MGAT5: variants seen among roughly 807,000 people sequenced by gnomAD.
The protein encoded by MGAT5 is alpha-1,6-mannosylglycoprotein 6-beta-N-acetylglucosaminyltransferase A.
A neutral mutation model predicts 94.3 loss-of-function variants in MGAT5; 30 were observed. That is an observed-to-expected ratio of 0.32 (90% CI 0.24 to 0.43). MGAT5 has a LOEUF of 0.43. Among genes scored for constraint, MGAT5 ranks in the 20% least tolerant of loss-of-function variants. The probability of loss-of-function intolerance (pLI) is 1.00; values close to 1 mark genes in which losing one functional copy is unlikely to be tolerated. For missense variants in MGAT5, 691 were observed against 905.5 expected (o/e 0.76, Z 3.04); for synonymous variants, 310 against 322.9 (o/e 0.96, Z 0.43).
At position 134,410,639 on chromosome 2, in the gene MGAT5, C is replaced by CA. The variant is rs1683595497; in HGVS notation, c.1531-2227dup. On this transcript the variant is annotated intron_variant, in intron 11 of 15. Transcript: ENST00000281923. The stretch of plus-strand genomic sequence containing the variant: ...ATTCAAGTCCATTAAGCAACAGCCT[C>CA]AAATCCTTTTAATTAATGGATTCAG... Among the ~76,000 whole-genome samples, 4 of 152,316 alleles carry CA rather than the reference C, an allele frequency of 2.6e-5. No individual in the cohort carries two copies. In the South Asian group the frequency reaches 8.3e-4, roughly 32 times the overall value.
intron 1 of MGAT5, among the ~76,000 whole-genome samples, chr2:134,145,769 A>C (rs1686889587): frequency 6.6e-6 from 1 of 151,126 alleles, no homozygotes; most frequent in Admixed American, 6.6e-5. Flanking sequence ...GTGCTAATCT[A>C]TCTGGTGAGG....
chr2:134,282,168 A>T (rs781031608), intron 2 of MGAT5, among the ~76,000 whole-genome samples: 1 of 152,210 alleles, frequency 6.6e-6, no homozygotes, highest in African/African-American at 2.4e-5. Flanking sequence ...CAGGAATGCA[A>T]TGAGGATTAA....
At chr2:134,167,290 A>G (rs1436651183) in intron 1 of MGAT5, among the ~76,000 whole-genome samples, 1 of 152,266 alleles carries the variant, frequency 6.6e-6, no homozygotes, top group Non-Finnish European at 1.5e-5. Context: ...AACAGTTGAC[A>G]TCATCCTATA....
At chr2:134,140,580 G>A (rs1301640358) in intron 1 of MGAT5, among the ~76,000 whole-genome samples, 2 of 152,202 alleles carry the variant, frequency 1.3e-5, no homozygotes, top group African/African-American at 4.8e-5. Flanking sequence ...CATTTGATGA[G>A]TACTTTATAT....
chr2:134,285,387 G>C (rs1338914895), intron 2 of MGAT5, among the ~76,000 whole-genome samples: 1 of 151,862 alleles, frequency 6.6e-6, no homozygotes, highest in Non-Finnish European at 1.5e-5. Context: ...TAATAACTAG[G>C]TTCTCAATTT....
rs1192317249 is a variant in MGAT5 at position 134,167,155 on chromosome 2, A to C, written c.-143+46864A>C. 3.3e-5 allele frequency among the ~76,000 whole-genome samples: 5 copies of C among 152,232 alleles called. No homozygotes were observed. In the East Asian group the frequency reaches 9.6e-4, roughly 29 times the overall value. On this transcript the variant is annotated intron_variant, in intron 1 of 16. Transcript: ENST00000409645. The stretch of plus-strand genomic sequence containing the variant: ...GTTACTGATTTGTTCCTGTAATTAC[A>C]TCAGAAATAACAGGCAGCAGTCACC...
intron 4 of MGAT5, among the ~76,000 whole-genome samples, chr2:134,330,064 G>A (rs1687871345): frequency 6.6e-6 from 1 of 152,076 alleles, no homozygotes; most frequent in Non-Finnish European, 1.5e-5. Flanking sequence ...GTATGTTTAT[G>A]TATGCATGTA....
In MGAT5 at chr2:134,179,946, A is replaced by T. The variant is rs368556918; in HGVS notation, c.-143+59655A>T. 1.6e-4 allele frequency among the ~76,000 whole-genome samples: 25 copies of T among 152,256 alleles called. No homozygotes were observed. In the East Asian group the frequency reaches 3.7e-3, roughly 22 times the overall value. ...CAAAACCAAGATGGTGATGAAAGGG[A>T]CCTCTGGTCATCCTCACTGCTCACT... is the stretch of plus-strand genomic sequence containing the variant. On this transcript the variant is annotated intron_variant, in intron 1 of 16. Transcript: ENST00000409645.
intron 2 of MGAT5, among the ~76,000 whole-genome samples, chr2:134,293,532 G>A (rs1269619140): frequency 4.0e-5 from 6 of 151,836 alleles, no homozygotes; most frequent in African/African-American, 1.2e-4. Flanking sequence ...GTAGTGGTGC[G>A]ATCTGGGTTC....
intron 4 of MGAT5, among the ~76,000 whole-genome samples, chr2:134,328,264 C>G (rs1687759942): frequency 6.6e-6 from 1 of 152,056 alleles, no homozygotes; most frequent in Non-Finnish European, 1.5e-5. Context: ...TCTCATGGAT[C>G]CCTCTGGCCC....
At chr2:134,253,977 C>T (rs980365928), upstream of MGAT5, among the ~76,000 whole-genome samples, 8 of 152,220 alleles carry the variant, frequency 5.3e-5, no homozygotes, top group Non-Finnish European at 1.2e-4. Context: ...GTCTCCTCCC[C>T]ACCTTGCAAA....
intron 1 of MGAT5, among the ~76,000 whole-genome samples, chr2:134,130,257 G>A (rs1430645576): frequency 6.9e-5 from 6 of 87,586 alleles, no homozygotes; most frequent in African/African-American, 2.6e-4. Flanking sequence ...GCCCCACACC[G>A]CCCCACACCG....
At chr2:134,144,858 G>A (rs1340329327) in intron 1 of MGAT5, among the ~76,000 whole-genome samples, 4 of 152,220 alleles carry the variant, frequency 2.6e-5, no homozygotes, top group South Asian at 2.1e-4. Context: ...TGTGGGAAAC[G>A]GGCCTTATGG....
intron 2 of MGAT5, among the ~76,000 whole-genome samples, chr2:134,275,504 C>T (rs1353395511): frequency 1.3e-5 from 2 of 148,814 alleles, no homozygotes; most frequent in African/African-American, 2.5e-5. Context: ...CAGCTGTGGG[C>T]GATTTTGCCC....
intron 1 of MGAT5, among the ~76,000 whole-genome samples, chr2:134,216,570 A>C (rs1213774257): frequency 6.6e-6 from 1 of 152,258 alleles, no homozygotes; most frequent in Non-Finnish European, 1.5e-5. Flanking sequence ...AAGCTTGACT[A>C]GGAAATAGGG....
chr2:134,137,798 T>A (rs1215549890), intron 1 of MGAT5, among the ~76,000 whole-genome samples: 1 of 152,152 alleles, frequency 6.6e-6, no homozygotes, highest in Non-Finnish European at 1.5e-5. Context: ...ATTGAGGCAG[T>A]TACATTACAT....
intron 10 of MGAT5, among the ~76,000 whole-genome samples, chr2:134,380,027 G>C (rs1256969915): frequency 6.6e-6 from 1 of 152,230 alleles, no homozygotes. Flanking sequence ...GGGCTGTAGA[G>C]GTGAGATGAC....
chr2:134,407,806 G>A (rs1465731591), intron 11 of MGAT5, among the ~76,000 whole-genome samples: 1 of 152,020 alleles, frequency 6.6e-6, no homozygotes, highest in Non-Finnish European at 1.5e-5. Context: ...ACGCTGAGTG[G>A]GGCCAACAGT....
intron 1 of MGAT5, among the ~76,000 whole-genome samples, chr2:134,261,399 G>A (rs566955366): frequency 2.0e-5 from 3 of 152,154 alleles, no homozygotes; most frequent in South Asian, 2.1e-4. Context: ...AAAAAGCTCC[G>A]CACCCCCTCA....
Sources: gnomAD v4.1 joint callset for allele counts (sites outside exome capture counted in the v4.1 genomes callset) on GRCh38, gnomAD v4.1.1 for gene constraint, MANE v1.5 for transcripts, NCBI Gene and HGNC (gene_info 2026-07-23, HGNC 2026-07-21) for gene names.